Variants in RCAN2 observed in about 807,000 individuals in gnomAD.
RCAN2 encodes regulator of calcineurin 2, also known as calcipressin-2.
In RCAN2, 9 loss-of-function variants were observed where a neutral mutation model predicts 23.6. That is an observed-to-expected ratio of 0.38 (90% CI 0.23 to 0.67). The LOEUF (loss-of-function observed/expected upper bound fraction) is 0.67, where lower values mean the gene tolerates loss of function less well. RCAN2 is among the 30% of genes least tolerant of loss of function. The pLI, the probability that RCAN2 is intolerant of heterozygous loss-of-function variation, is 0.51. For synonymous variants in RCAN2, 109 were observed against 115.7 expected, an observed-to-expected ratio of 0.94 and a Z score of 0.37; for missense variants, 273 against 302.3, an observed-to-expected ratio of 0.90 and a Z score of 0.72.
At chr6:46,479,774 G>C (rs59370188) in intron 1 of RCAN2, among the ~76,000 whole-genome samples, 17,192 of 151,768 alleles carry the variant, frequency 0.11, 1,290 homozygotes, top group South Asian at 0.21. Flanking sequence ...GTAACGATGG[G>C]GTTTCACCAT....
intron 2 of RCAN2, among the ~76,000 whole-genome samples, chr6:46,283,132 T>A (rs993838441): frequency 6.6e-6 from 1 of 152,156 alleles, no homozygotes; most frequent in Non-Finnish European, 1.5e-5. Context: ...GCAGGGCCCC[T>A]GGGTAAAGGA....
At chr6:46,398,737 C>T (rs900724828) in intron 2 of RCAN2, among the ~76,000 whole-genome samples, 4 of 152,112 alleles carry the variant, frequency 2.6e-5, no homozygotes, top group Non-Finnish European at 5.9e-5. Context: ...GAATACCAGA[C>T]ATGCCAAACT....
chr6:46,295,649 A>G (rs1256707357), intron 2 of RCAN2, among the ~76,000 whole-genome samples: 1 of 152,118 alleles, frequency 6.6e-6, no homozygotes, highest in Non-Finnish European at 1.5e-5. Context: ...GAGAGATGAC[A>G]AATCTACTAT....
At chr6:46,429,416 C>A (rs566816508) in intron 2 of RCAN2, among the ~76,000 whole-genome samples, 4 of 152,258 alleles carry the variant, frequency 2.6e-5, no homozygotes, top group Admixed American at 6.5e-5. Context: ...TTTTACCTTG[C>A]ACATTTGCTG....
rs568829312 is a variant in RCAN2 at position 46,291,448 on chromosome 6, C to A, written c.226-42552G>T. On this transcript the variant is annotated intron_variant, in intron 2 of 4. Coordinates refer to ENST00000371374, the MANE Select transcript of RCAN2 (RefSeq NM_001251974.2). ...TGCCACCGAGTCCCAGCGGTGGGAA[C>A]CAAGTTTGCCTACAATGCTAGTGGA... Among the ~76,000 whole-genome samples, 19 of 151,716 alleles carry A rather than the reference C, an allele frequency of 1.3e-4. No individual in the cohort carries two copies. The South Asian group carries it at 2.5e-3, about 20-fold the overall frequency.
chr6:46,253,698 G>A (rs2150321431), intron 2 of RCAN2, among the ~76,000 whole-genome samples: 1 of 152,204 alleles, frequency 6.6e-6, no homozygotes, highest in Admixed American at 6.5e-5. Context: ...GTGTGTGGCT[G>A]TGATGAATAG....
At chr6:46,313,015 C>A (rs147631977) in intron 2 of RCAN2, among the ~76,000 whole-genome samples, 1 of 152,168 alleles carries the variant, frequency 6.6e-6, no homozygotes, top group East Asian at 1.9e-4. Context: ...CATAATGTGA[C>A]CCCAGTTTCT....
At chr6:46,455,699 A>T (rs899413973) in intron 2 of RCAN2, among the ~76,000 whole-genome samples, 17 of 152,024 alleles carry the variant, frequency 1.1e-4, no homozygotes, top group Non-Finnish European at 8.8e-5. Flanking sequence ...TACTAAAAAT[A>T]CAAAAAATTA....
At chr6:46,313,349 A>G (rs560768332) in intron 2 of RCAN2, among the ~76,000 whole-genome samples, 2 of 152,318 alleles carry the variant, frequency 1.3e-5, no homozygotes, top group African/African-American at 4.8e-5. Flanking sequence ...CATGCCTCAC[A>G]TTCCTGAATT....
intron 1 of RCAN2, among the ~76,000 whole-genome samples, chr6:46,461,618 T>C (rs1768208963): frequency 1.3e-5 from 2 of 151,100 alleles, no homozygotes. Flanking sequence ...AGAGTTTCGC[T>C]CTTATTGCCC....
chr6:46,315,997 G>A (rs1356947303), intron 2 of RCAN2, among the ~76,000 whole-genome samples: 1 of 152,086 alleles, frequency 6.6e-6, no homozygotes, highest in Non-Finnish European at 1.5e-5. Flanking sequence ...CTGCTCCCTG[G>A]GAGGGCCTGT....
intron 2 of RCAN2, among the ~76,000 whole-genome samples, chr6:46,292,777 G>T (rs1762609551): frequency 6.6e-6 from 1 of 151,844 alleles, no homozygotes; most frequent in African/African-American, 2.4e-5. Flanking sequence ...GAACGTGCAG[G>T]TTTGTTACAT....
intron 4 of RCAN2, among the ~76,000 whole-genome samples, chr6:46,223,833 C>T (rs537907796): frequency 1.3e-5 from 2 of 152,230 alleles, no homozygotes; most frequent in South Asian, 2.1e-4. Flanking sequence ...GGTTAGATGA[C>T]CATCAAGGCC....
chr6:46,365,337 G>A (rs1390761343), intron 2 of RCAN2, among the ~76,000 whole-genome samples: 5 of 151,922 alleles, frequency 3.3e-5, no homozygotes, highest in East Asian at 1.9e-4. Context: ...TTAGCTGGGC[G>A]TGGTGGTGGG....
intron 2 of RCAN2, among the ~76,000 whole-genome samples, chr6:46,429,412 C>T (rs1055796954): frequency 2.0e-5 from 3 of 152,158 alleles, no homozygotes; most frequent in African/African-American, 7.2e-5. Flanking sequence ...CATCTTTTAC[C>T]TTGCACATTT....
intron 2 of RCAN2, among the ~76,000 whole-genome samples, chr6:46,256,398 A>AAATAAAATAC (rs1335702097): frequency 2.2e-4 from 34 of 151,858 alleles, no homozygotes; most frequent in Admixed American, 2.0e-3. Flanking sequence ...AAATAAAATA[A>AAATAAAATAC]AATAAAATAA....
At chr6:46,371,200 G>A (rs1410178928) in intron 2 of RCAN2, among the ~76,000 whole-genome samples, 2 of 152,130 alleles carry the variant, frequency 1.3e-5, no homozygotes, top group African/African-American at 4.8e-5. Flanking sequence ...TTTCCCCCCA[G>A]ATTTACCAAT....
chr6:46,291,221 A>G (rs1357371394), intron 2 of RCAN2, among the ~76,000 whole-genome samples: 1 of 151,228 alleles, frequency 6.6e-6, no homozygotes, highest in Admixed American at 6.6e-5. Flanking sequence ...CCACAGAGTC[A>G]GGGGGAAAAA....
At chr6:46,353,104 T>A (rs1454758924) in intron 2 of RCAN2, among the ~76,000 whole-genome samples, 1 of 152,146 alleles carries the variant, frequency 6.6e-6, no homozygotes, top group East Asian at 1.9e-4. Context: ...GCCAATCATG[T>A]GTCACATGTG....
Sources: gnomAD v4.1 joint callset for allele counts (sites outside exome capture counted in the v4.1 genomes callset) on GRCh38, gnomAD v4.1.1 for gene constraint, MANE v1.5 for transcripts, NCBI Gene and HGNC (gene_info 2026-07-23, HGNC 2026-07-21) for gene names.